Variants in ANAPC16 observed in about 807,000 individuals in gnomAD.
ANAPC16 encodes the protein anaphase-promoting complex subunit 16.
In ANAPC16, 6 loss-of-function variants were observed where a neutral mutation model predicts 13.1. That is an observed-to-expected ratio of 0.46 (90% CI 0.25 to 0.90). ANAPC16 has a LOEUF of 0.90. ANAPC16 is among the 40% of genes least tolerant of loss of function. The probability of loss-of-function intolerance (pLI) is 0.18; values close to 1 mark genes in which losing one functional copy is unlikely to be tolerated. For synonymous variants in ANAPC16, 55 were observed against 51.3 expected (o/e 1.07, Z -0.31); for missense variants, 113 against 131.1 (o/e 0.86, Z 0.67).
rs536056041 is a variant in ANAPC16, at chr10:72,229,584, C to A, written c.143-782C>A. 8.5e-5 allele frequency among the ~76,000 whole-genome samples: 13 copies of A among 152,232 alleles called. No individual in the cohort carries two copies. In the South Asian group the frequency reaches 2.5e-3, roughly 29 times the overall value. On this transcript the variant is annotated intron_variant, in intron 2 of 3. Coordinates refer to ENST00000299381, the MANE Select transcript of ANAPC16 (RefSeq NM_173473.4). ...ACATCCCCCAAATGGTTTCTGCTAC[C>A]TTTTTAAAAATCAAATGTTTCTACG...
At chr10:72,223,133 G>A (rs1454173194) in intron 1 of ANAPC16, 1 of 139,550 alleles carries the variant, frequency 7.2e-6, no homozygotes, top group African/African-American at 2.8e-5. Flanking sequence ...TGTCGCCCAG[G>A]CTCACTGCAA....
At chr10:72,223,156 G>A (rs1267985675) in intron 1 of ANAPC16, 1 of 126,200 alleles carries the variant, frequency 7.9e-6, no homozygotes, top group African/African-American at 3.1e-5. Flanking sequence ...TCCGCCTCCC[G>A]GGTTCAAATG....
At chr10:72,218,158 AAAAAAAAATATATATATATAT>A (rs1484606176) in intron 1 of ANAPC16, among the ~76,000 whole-genome samples, 86 of 46,780 alleles carry the variant, frequency 1.8e-3, no homozygotes, top group South Asian at 2.5e-3. Flanking sequence ...AAAAAAAAAA[AAAAAAAAATATATATATATAT>A]ATATATATAT....
intron 2 of ANAPC16, among the ~76,000 whole-genome samples, chr10:72,225,840 G>T (rs1167972788): frequency 2.6e-5 from 4 of 151,246 alleles, no homozygotes; most frequent in Admixed American, 2.6e-4. Context: ...GGCAGAGGTT[G>T]CGGTGAGCAG....
chr10:72,217,430 G>C (rs1260766295), intron 1 of ANAPC16, among the ~76,000 whole-genome samples: 1 of 150,276 alleles, frequency 6.7e-6, no homozygotes, highest in African/African-American at 2.5e-5. Context: ...AGCCGAGATC[G>C]CGCCACTGCA....
chr10:72,218,204 ATATATATATATATATG>A, intron 1 of ANAPC16, among the ~76,000 whole-genome samples: 1 of 93,696 alleles, frequency 1.1e-5, no homozygotes, highest in Non-Finnish European at 2.1e-5. Context: ...ATATATATAT[ATATATATATATATATG>A]CCGGAGGTTG....
At chr10:72,217,100 C>G (rs1471879393) in intron 1 of ANAPC16, 1 of 453,410 alleles carries the variant, frequency 2.2e-6, no homozygotes, top group African/African-American at 2.0e-5. Flanking sequence ...GGAAACACTG[C>G]CCCAGGTTCT....
At chr10:72,216,901 C>A in intron 1 of ANAPC16, 1 of 456,134 alleles carries the variant, frequency 2.2e-6, no homozygotes, top group Non-Finnish European at 4.4e-6. Context: ...GTGGGCCTGG[C>A]AAACTGGTTG....
chr10:72,230,550 T>C, intron 3 of ANAPC16, 110 bp downstream of exon 3: 1 of 877,268 alleles, frequency 1.1e-6, no homozygotes, highest in Non-Finnish European at 1.8e-6. Flanking sequence ...GTGGACTTCC[T>C]AAATTAAAGA....
rs1860399917 is a variant in ANAPC16, at chr10:72,233,968, T to C, written c.*852T>C. 1 of 152,254 alleles carries C rather than the reference T, an allele frequency of 6.6e-6. No homozygotes were observed. The highest frequency in any genetic ancestry group is 1.5e-5 in the Non-Finnish European group (1 of 68,026). The allele number at this position is 152,254 out of a possible 1,614,324, so 9.4% of individuals were successfully genotyped here. ...GGCTTTACTTAAGGGATATTTGTCTTTATAGGAGTACATAAATTTATCTTA... is the reference window on the plus strand; with the variant it reads ...GGCTTTACTTAAGGGATATTTGTCTCTATAGGAGTACATAAATTTATCTTA... On this transcript the variant is annotated 3_prime_UTR_variant, in exon 4 of 4. Transcript: ENST00000299381.
chr10:72,226,976 T>C (rs997993350), intron 2 of ANAPC16, among the ~76,000 whole-genome samples: 3 of 152,176 alleles, frequency 2.0e-5, no homozygotes, highest in Non-Finnish European at 2.9e-5. Flanking sequence ...TAGTGAACAA[T>C]TGGGGCCCTG....
At chr10:72,225,071 G>T (rs187535435) in intron 2 of ANAPC16, among the ~76,000 whole-genome samples, 4 of 152,082 alleles carry the variant, frequency 2.6e-5, no homozygotes, top group African/African-American at 9.6e-5. Flanking sequence ...ATCACCTGAG[G>T]TCAGGAGTTC....
intron 1 of ANAPC16, chr10:72,223,122 CTG>C (rs1251581990): frequency 8.2e-6 from 1 of 121,790 alleles, no homozygotes; most frequent in Non-Finnish European, 1.6e-5. Context: ...GAGTCCCGCT[CTG>C]TCGCCCAGGC....
chr10:72,228,881 GC>G lies in ANAPC16; in HGVS notation c.143-1483del, dbSNP rs564685667. ...AACTTAACTATTTTATCCTAATGGT[GC>G]CTGTGATTAAATGCAAGTGAGAGGT... On this transcript the variant is annotated intron_variant, in intron 2 of 3. Coordinates refer to ENST00000299381, the MANE Select transcript of ANAPC16 (RefSeq NM_173473.4). Among the ~76,000 whole-genome samples, 391 of 152,276 alleles carry G rather than the reference GC, an allele frequency of 2.6e-3. 1 individual carries two copies. Among genetic ancestry groups the G allele is most frequent in the Non-Finnish European group, 4.0e-3 (275 of 68,022 alleles).
chr10:72,216,479 CG>C (rs1404320620), intron 1 of ANAPC16, among the ~76,000 whole-genome samples: 7 of 20,382 alleles, frequency 3.4e-4, no homozygotes, highest in African/African-American at 8.6e-4. Flanking sequence ...GCCCCGTTCC[CG>C]CCCCCCCCCC....
In ANAPC16 at chr10:72,233,770, C is replaced by G. The variant is rs533398438; in HGVS notation, c.*654C>G. 1 of 152,628 alleles carries G rather than the reference C, an allele frequency of 6.6e-6. No individual in the cohort carries two copies. The highest frequency in any genetic ancestry group is 2.1e-4 in the South Asian group (1 of 4,822). The allele number at this position is 152,628 out of a possible 1,614,324, so 9.5% of individuals were successfully genotyped here. ...CTTTTAAACACAGAAATCCTGAGTTCTTCTCATTGGTGGACTCAAGCAATT... is the reference window on the plus strand; with the variant it reads ...CTTTTAAACACAGAAATCCTGAGTTGTTCTCATTGGTGGACTCAAGCAATT... On this transcript the variant is annotated 3_prime_UTR_variant, in exon 4 of 4. Transcript: ENST00000299381.
At chr10:72,231,705 C>T (rs1260532506) in intron 3 of ANAPC16, among the ~76,000 whole-genome samples, 7 of 152,024 alleles carry the variant, frequency 4.6e-5, no homozygotes, top group East Asian at 3.9e-4. Flanking sequence ...TACAGGTGCA[C>T]GCCACCACGC....
chr10:72,224,450 TAA>T, intron 2 of ANAPC16, among the ~76,000 whole-genome samples: 1 of 152,098 alleles, frequency 6.6e-6, no homozygotes, highest in East Asian at 1.9e-4. Context: ...CCATTTCTAC[TAA>T]AAATACAAAA....
Position 72,227,256 on chromosome 10 carries a change from G to T in ANAPC16, c.143-3110G>T, listed in dbSNP as rs371168846. Among the ~76,000 whole-genome samples, 13 of 152,250 alleles carry T rather than the reference G, an allele frequency of 8.5e-5. No homozygotes were observed. In the East Asian group the frequency reaches 1.9e-3, roughly 23 times the overall value. On this transcript the variant is annotated intron_variant, in intron 2 of 3. Transcript: ENST00000299381. ...TTTGTCAGTATACATCAAATTATGT[G>T]GAGATATTGAAGAAGAAAGGCTTCT...
Sources: gnomAD v4.1 joint callset for allele counts (sites outside exome capture counted in the v4.1 genomes callset) on GRCh38, gnomAD v4.1.1 for gene constraint, MANE v1.5 for transcripts, NCBI Gene and HGNC (gene_info 2026-07-23, HGNC 2026-07-21) for gene names.